SCN8A: variants seen among roughly 807,000 people sequenced by gnomAD.
SCN8A encodes sodium channel protein type 8 subunit alpha.
SCN8A carries 30 observed loss-of-function variants against 184.1 expected under a neutral mutation model. That is an observed-to-expected ratio of 0.16 (90% CI 0.12 to 0.22). The LOEUF (loss-of-function observed/expected upper bound fraction) is 0.22. SCN8A is among the 10% of genes least tolerant of loss of function. SCN8A has a pLI of 1.00. For synonymous variants in SCN8A, 852 were observed against 907.0 expected, an observed-to-expected ratio of 0.94 and a Z score of 1.09; for missense variants, 1,057 against 2,498.9, an observed-to-expected ratio of 0.42 and a Z score of 12.30.
Position 51,807,503 on chromosome 12 carries a change from T to C in SCN8A, c.*74T>C. 1 of 1,440,840 alleles carries C rather than the reference T, an allele frequency of 6.9e-7. No homozygotes were observed. The highest frequency in any genetic ancestry group is 9.5e-7 in the Non-Finnish European group (1 of 1,048,428). 89.3% of individuals were successfully genotyped at this position (1,440,840 alleles called of 1,614,324 possible). A position where few individuals can be genotyped will look rare whatever the true frequency, so the allele number is the denominator to read the frequency against. ...AGATTGTTTACAAACTTCCTGAATATTATCAATGCAGAACAGCTGTGGAGA... is the reference window on the plus strand; with the variant it reads ...AGATTGTTTACAAACTTCCTGAATACTATCAATGCAGAACAGCTGTGGAGA... On this transcript the variant is annotated 3_prime_UTR_variant, in exon 27 of 27. Transcript: ENST00000627620. The surrounding 1 kb of genome is among the most constrained non-coding windows in gnomAD (Gnocchi z 4.5).
intron 25 of SCN8A, 37 bp from the exon 26 acceptor site, chr12:51,794,334 C>A: frequency 6.3e-7 from 1 of 1,580,808 alleles, no homozygotes; most frequent in South Asian, 1.2e-5. Context: ...GAAAGGTTTT[C>A]ATGAATCTTT....
chr12:51,686,267 A>G (rs1343971340), intron 3 of SCN8A, 101 bp from the exon 4 acceptor site: 3 of 729,426 alleles, frequency 4.1e-6, no homozygotes, highest in Non-Finnish European at 7.2e-6. Flanking sequence ...ATCTCCTTTC[A>G]GGTTATTGAT....
chr12:51,743,308 T>A (rs1942456460), intron 12 of SCN8A, among the ~76,000 whole-genome samples: 1 of 152,152 alleles, frequency 6.6e-6, no homozygotes, highest in Non-Finnish European at 1.5e-5. Flanking sequence ...AAGCTAGGTA[T>A]TTTTTATAGT....
chr12:51,709,024 C>G (rs753011799), intron 11 of SCN8A, among the ~76,000 whole-genome samples: 10 of 152,134 alleles, frequency 6.6e-5, no homozygotes, highest in Non-Finnish European at 1.0e-4. Flanking sequence ...TAGAAAAGCA[C>G]AGATCTATCC....
chr12:51,763,605 A>G (rs1942794545), intron 15 of SCN8A, among the ~76,000 whole-genome samples: 1 of 152,258 alleles, frequency 6.6e-6, no homozygotes, highest in African/African-American at 2.4e-5. Context: ...GTATTAATGT[A>G]TTTGAAGAAG....
intron 9 of SCN8A, 27 bp from the exon 10 acceptor site, chr12:51,705,390 C>T: frequency 6.2e-7 from 1 of 1,611,018 alleles, no homozygotes; most frequent in Non-Finnish European, 8.5e-7. Flanking sequence ...GTACAAGTGA[C>T]TCAGAAAATG....
intron 20 of SCN8A, among the ~76,000 whole-genome samples, chr12:51,777,406 C>A (rs866501606): frequency 2.0e-5 from 3 of 152,154 alleles, no homozygotes; most frequent in Non-Finnish European, 4.4e-5. Flanking sequence ...ACTACAGACA[C>A]GTGCCAAGGC....
At chr12:51,724,280 C>G (rs2138787749) in intron 12 of SCN8A, among the ~76,000 whole-genome samples, 1 of 152,216 alleles carries the variant, frequency 6.6e-6, no homozygotes, top group African/African-American at 2.4e-5. Flanking sequence ...ACCTCCATCT[C>G]TACTAAAAAT....
chr12:51,726,115 C>A (rs1251787111), intron 12 of SCN8A, among the ~76,000 whole-genome samples: 2 of 152,130 alleles, frequency 1.3e-5, no homozygotes, highest in Non-Finnish European at 2.9e-5. Context: ...TATTTTATAT[C>A]TTCATTAGTT....
chr12:51,803,449 C>G (rs1938609953), intron 26 of SCN8A, among the ~76,000 whole-genome samples: 1 of 152,104 alleles, frequency 6.6e-6, no homozygotes, highest in African/African-American at 2.4e-5. Flanking sequence ...CACCCAGAAA[C>G]AATGCTTTGC....
At chr12:51,795,686 A>C (rs1397134647) in intron 26 of SCN8A, among the ~76,000 whole-genome samples, 2 of 152,186 alleles carry the variant, frequency 1.3e-5, no homozygotes, top group African/African-American at 4.8e-5. Flanking sequence ...TTTAGGTAAC[A>C]CTGCCTTTAA....
intron 14 of SCN8A, among the ~76,000 whole-genome samples, chr12:51,759,687 C>T (rs1942733923): frequency 6.6e-6 from 1 of 152,114 alleles, no homozygotes; most frequent in Non-Finnish European, 1.5e-5. Context: ...TCCTCAACTA[C>T]CCTTTGAGAA....
chr12:51,781,069 T>G (rs1419525318), intron 21 of SCN8A, among the ~76,000 whole-genome samples: 2 of 152,118 alleles, frequency 1.3e-5, no homozygotes, highest in Non-Finnish European at 2.9e-5. Flanking sequence ...TCTGGGCTGT[T>G]GATTTAATAG....
At chr12:51,592,849 C>T (rs1592315537) in intron 1 of SCN8A, among the ~76,000 whole-genome samples, 2 of 152,116 alleles carry the variant, frequency 1.3e-5, no homozygotes, top group Admixed American at 6.5e-5. Flanking sequence ...ATGGAGATTT[C>T]GGGTGTGGTA....
chr12:51,603,234 CT>C (rs1331475407), intron 1 of SCN8A, among the ~76,000 whole-genome samples: 2 of 152,188 alleles, frequency 1.3e-5, no homozygotes, highest in Admixed American at 6.5e-5. Context: ...GTGGTGTTAC[CT>C]TTTCCAGAAT....
intron 25 of SCN8A, among the ~76,000 whole-genome samples, chr12:51,793,796 C>T (rs2138917924): frequency 6.6e-6 from 1 of 152,096 alleles, no homozygotes; most frequent in South Asian, 2.1e-4. Flanking sequence ...ATGATCGCGC[C>T]TATGCATAGC....
chr12:51,739,219 G>A (rs953102709), intron 12 of SCN8A, among the ~76,000 whole-genome samples: 1 of 152,110 alleles, frequency 6.6e-6, no homozygotes, highest in African/African-American at 2.4e-5. Context: ...AAATGTAGCT[G>A]TAATATTTCC....
At chr12:51,675,654 A>G (rs1306027393) in intron 2 of SCN8A, among the ~76,000 whole-genome samples, 1 of 152,210 alleles carries the variant, frequency 6.6e-6, no homozygotes, top group African/African-American at 2.4e-5. Flanking sequence ...TGGGCAGAGC[A>G]TTCTGTGCTT....
chr12:51,685,879 GAAC>G (rs1250041804), intron 3 of SCN8A, among the ~76,000 whole-genome samples: 3 of 151,984 alleles, frequency 2.0e-5, no homozygotes, highest in African/African-American at 7.3e-5. Flanking sequence ...TCTTAAAAAA[GAAC>G]AACAACTATG....
Sources: gnomAD v4.1 joint callset for allele counts (sites outside exome capture counted in the v4.1 genomes callset) on GRCh38, gnomAD v4.1.1 for gene constraint, Gnocchi (gnomAD v3.1) non-coding constraint, MANE v1.5 for transcripts, NCBI Gene and HGNC (gene_info 2026-07-23, HGNC 2026-07-21) for gene names.